Variants in ATP2C2 observed in about 807,000 individuals in gnomAD.
The protein encoded by ATP2C2 is ATPase secretory pathway Ca2+ transporting 2.
A neutral mutation model predicts 110.8 loss-of-function variants in ATP2C2; 171 were observed. That is an observed-to-expected ratio of 1.54 (90% confidence interval 1.36 to 1.75). The LOEUF (loss-of-function observed/expected upper bound fraction) is 1.75, where lower values mean the gene tolerates loss of function less well. Among genes scored for constraint, ATP2C2 ranks in the 40% most tolerant of loss-of-function variants. The pLI is 0.00. For missense variants in ATP2C2, 1,963 were observed against 1,235.0 expected, an observed-to-expected ratio of 1.59 and a Z score of -8.84; for synonymous variants, 804 against 508.4, an observed-to-expected ratio of 1.58 and a Z score of -7.82.
intron 21 of ATP2C2, 127 bp from the exon 22 acceptor site, chr16:84,458,993 G>A (rs1597880749): frequency 9.8e-7 from 1 of 1,016,708 alleles, no homozygotes. Context: ...CCAGCAAGGG[G>A]AACCAGCAGG....
At chr16:84,397,046 C>T (rs1319598123) in intron 1 of ATP2C2, among the ~76,000 whole-genome samples, 1 of 151,854 alleles carries the variant, frequency 6.6e-6, no homozygotes, top group African/African-American at 2.4e-5. Context: ...TCTCCTGCTT[C>T]CTTTTTCCCA....
intron 11 of ATP2C2, among the ~76,000 whole-genome samples, chr16:84,431,126 A>G (rs1908242030): frequency 6.6e-6 from 1 of 152,144 alleles, no homozygotes; most frequent in South Asian, 2.1e-4. Flanking sequence ...AATGTTAACA[A>G]TTTAAGCACA....
chr16:84,373,513 C>A (rs1317576810), intron 1 of ATP2C2, among the ~76,000 whole-genome samples: 19 of 151,850 alleles, frequency 1.3e-4, no homozygotes, highest in African/African-American at 4.3e-4. Context: ...ACAACAACAA[C>A]AAAAAAAGAG....
At chr16:84,438,928 G>A (rs772003093) in intron 11 of ATP2C2, 3 of 474,680 alleles carry the variant, frequency 6.3e-6, no homozygotes, top group African/African-American at 5.8e-5. Flanking sequence ...TCACATTAAG[G>A]TGTGGATGAC....
At chr16:84,397,982 G>C (rs1358001201) in intron 1 of ATP2C2, among the ~76,000 whole-genome samples, 3 of 151,844 alleles carry the variant, frequency 2.0e-5, no homozygotes, top group East Asian at 1.9e-4. Flanking sequence ...CCCTCAGGTA[G>C]GTAGGTTGGC....
intron 1 of ATP2C2, 118 bp downstream of exon 1, chr16:84,368,832 C>G (rs1227732400): frequency 3.4e-6 from 3 of 879,384 alleles, no homozygotes; most frequent in African/African-American, 3.7e-5. Flanking sequence ...GCCCTCCTCC[C>G]CTGGCTCTGG....
chr16:84,452,171 C>G, intron 18 of ATP2C2, 80 bp downstream of exon 18: 1 of 1,555,460 alleles, frequency 6.4e-7, no homozygotes, highest in Non-Finnish European at 8.7e-7. Context: ...AAAGGGAAGC[C>G]TCCGCAAACT....
At chr16:84,446,280 A>C in intron 15 of ATP2C2, 49 bp from the exon 16 acceptor site, 1 of 1,128,766 alleles carries the variant, frequency 8.9e-7, no homozygotes, top group Non-Finnish European at 1.3e-6. Flanking sequence ...CTTTGTATAG[A>C]GATTGGCTTC....
intron 11 of ATP2C2, among the ~76,000 whole-genome samples, chr16:84,427,609 C>T (rs948688923): frequency 3.3e-5 from 5 of 151,990 alleles, no homozygotes; most frequent in Admixed American, 6.6e-5. Context: ...CCCAGCTACT[C>T]GGGAGGCTGA....
intron 1 of ATP2C2, among the ~76,000 whole-genome samples, chr16:84,384,847 C>G (rs373099803): frequency 6.6e-6 from 1 of 152,048 alleles, no homozygotes; most frequent in Non-Finnish European, 1.5e-5. Flanking sequence ...GTCAGAAGTT[C>G]AAGAGCAGCC....
chr16:84,396,811 A>G (rs1038406845), intron 1 of ATP2C2, among the ~76,000 whole-genome samples: 2 of 151,924 alleles, frequency 1.3e-5, no homozygotes, highest in East Asian at 1.9e-4. Flanking sequence ...AGGGCTCCCA[A>G]TGGATGGCTA....
chr16:84,386,042 A>C (rs1241244902), intron 1 of ATP2C2, among the ~76,000 whole-genome samples: 1 of 152,098 alleles, frequency 6.6e-6, no homozygotes, highest in East Asian at 1.9e-4. Context: ...CCCTCTTGAC[A>C]TTTTTTACGT....
intron 1 of ATP2C2, among the ~76,000 whole-genome samples, chr16:84,394,038 G>A (rs1292571004): frequency 6.6e-6 from 1 of 151,222 alleles, no homozygotes; most frequent in South Asian, 2.1e-4. Context: ...AAAAGGCCTG[G>A]TGTGATGACA....
chr16:84,376,103 G>C (rs1226051141), intron 1 of ATP2C2, among the ~76,000 whole-genome samples: 1 of 152,196 alleles, frequency 6.6e-6, no homozygotes, highest in East Asian at 1.9e-4. Flanking sequence ...GGATGGGACA[G>C]GGGTCTGTAC....
intron 11 of ATP2C2, among the ~76,000 whole-genome samples, chr16:84,429,994 A>G (rs1381331241): frequency 2.0e-5 from 3 of 152,068 alleles, no homozygotes; most frequent in Non-Finnish European, 4.4e-5. Flanking sequence ...TGTCTGTCAC[A>G]TGGTCTCCTC....
intron 11 of ATP2C2, among the ~76,000 whole-genome samples, chr16:84,438,681 G>T (rs2241642): frequency 3.3e-5 from 5 of 151,982 alleles, no homozygotes; most frequent in Non-Finnish European, 7.4e-5. Flanking sequence ...CCCTTCACCT[G>T]CCCTGACCTG....
chr16:84,426,924 C>G (rs373257297), intron 11 of ATP2C2, among the ~76,000 whole-genome samples: 1 of 152,148 alleles, frequency 6.6e-6, no homozygotes, highest in Non-Finnish European at 1.5e-5. Flanking sequence ...GGGAGAGGCA[C>G]GGGCAGCCCA....
chr16:84,454,029 C>T (rs1413525270), intron 20 of ATP2C2, among the ~76,000 whole-genome samples: 1 of 152,128 alleles, frequency 6.6e-6, no homozygotes, highest in Non-Finnish European at 1.5e-5. Context: ...TTAGTAGAGG[C>T]AGGGTTTCGC....
rs563817668 is a variant in ATP2C2, at chr16:84,459,733, C to A, written c.2333+347C>A. The A allele has an allele frequency of 9.1e-5, 64 of 702,628 alleles. No homozygotes were observed. In the East Asian group the frequency reaches 1.7e-3, roughly 19 times the overall value. The allele number at this position is 702,628 out of a possible 1,614,324, so 43.5% of individuals were successfully genotyped here. A position where few individuals can be genotyped will look rare whatever the true frequency, so the allele number is the denominator to read the frequency against. ...ATTGCACTCCCACTCAATCCCCTCACCCTGCTGTATTTTTCCCTAGAGAGG... is the reference window on the plus strand; with the variant it reads ...ATTGCACTCCCACTCAATCCCCTCAACCTGCTGTATTTTTCCCTAGAGAGG... On this transcript the variant is annotated intron_variant, in intron 23 of 26. Transcript: ENST00000262429.
Sources: gnomAD v4.1 joint callset for allele counts (sites outside exome capture counted in the v4.1 genomes callset) on GRCh38, gnomAD v4.1.1 for gene constraint, MANE v1.5 for transcripts, NCBI Gene and HGNC (gene_info 2026-07-23, HGNC 2026-07-21) for gene names.